CCSER1: variants seen among roughly 807,000 people sequenced by gnomAD.
CCSER1 encodes coiled-coil serine rich protein 1, also known as serine-rich coiled-coil domain-containing protein 1.
CCSER1 carries 41 observed loss-of-function variants against 82.0 expected under a neutral mutation model. The observed-to-expected ratio is 0.50, with a 90% CI of 0.39 to 0.65. The LOEUF is 0.65. Ranked by LOEUF, CCSER1 falls within the 30% of genes least tolerant of loss-of-function variation. CCSER1 has a pLI of 0.00. For missense variants in CCSER1, 1,119 were observed against 1,064.2 expected (o/e 1.05, Z -0.72); for synonymous variants, 414 against 383.9 (o/e 1.08, Z -0.92).
At chr4:91,437,742 C>T (rs946474624) in intron 10 of CCSER1, among the ~76,000 whole-genome samples, 1 of 152,210 alleles carries the variant, frequency 6.6e-6, no homozygotes, top group Non-Finnish European at 1.5e-5. Flanking sequence ...AAAGGGGTGA[C>T]AGATGGCACC....
At chr4:90,807,933 T>C (rs1005480356) in intron 7 of CCSER1, among the ~76,000 whole-genome samples, 2 of 152,108 alleles carry the variant, frequency 1.3e-5, no homozygotes, top group Admixed American at 6.5e-5. Flanking sequence ...AGAGTGCTAA[T>C]AGCCAAAGTA....
intron 9 of CCSER1, among the ~76,000 whole-genome samples, chr4:91,070,365 G>A (rs932446477): frequency 6.6e-6 from 1 of 152,060 alleles, no homozygotes; most frequent in African/African-American, 2.4e-5. Flanking sequence ...TATTTTAGTT[G>A]AACTCAGTTT....
intron 10 of CCSER1, among the ~76,000 whole-genome samples, chr4:91,507,171 T>A (rs1759541508): frequency 6.6e-6 from 1 of 152,176 alleles, no homozygotes; most frequent in Non-Finnish European, 1.5e-5. Flanking sequence ...GATCACATGG[T>A]AACTTTATAT....
chr4:90,606,936 A>C (rs1219104750), intron 5 of CCSER1, among the ~76,000 whole-genome samples: 1 of 152,196 alleles, frequency 6.6e-6, no homozygotes, highest in Non-Finnish European at 1.5e-5. Context: ...AAAACATAAC[A>C]TTACAGATAC....
At chr4:90,263,231 G>A (rs1228702886) in intron 1 of CCSER1, among the ~76,000 whole-genome samples, 1 of 152,192 alleles carries the variant, frequency 6.6e-6, no homozygotes, top group Non-Finnish European at 1.5e-5. Flanking sequence ...TCCCCTAGTA[G>A]TAGGAGTTCC....
chr4:90,394,099 T>C (rs932784425), intron 3 of CCSER1, among the ~76,000 whole-genome samples: 1 of 150,826 alleles, frequency 6.6e-6, no homozygotes, highest in Non-Finnish European at 1.5e-5. Flanking sequence ...CATCTTACTT[T>C]TTTTTTTTTT....
chr4:90,947,410 C>T (rs1213424409), intron 9 of CCSER1, among the ~76,000 whole-genome samples: 1 of 152,102 alleles, frequency 6.6e-6, no homozygotes, highest in Non-Finnish European at 1.5e-5. Context: ...ATCACATGTA[C>T]ATAAAGCTAT....
At chr4:91,141,437 C>A (rs561869992) in intron 10 of CCSER1, among the ~76,000 whole-genome samples, 5 of 152,192 alleles carry the variant, frequency 3.3e-5, no homozygotes, top group African/African-American at 1.2e-4. Flanking sequence ...TAGGCATGAA[C>A]CACCATGCCT....
At chr4:91,466,247 A>C (rs1332194681) in intron 10 of CCSER1, among the ~76,000 whole-genome samples, 1 of 152,222 alleles carries the variant, frequency 6.6e-6, no homozygotes, top group South Asian at 2.1e-4. Flanking sequence ...AACCAAAGAC[A>C]AAAACCACAT....
At chr4:91,559,079 T>C (rs902479753) in intron 10 of CCSER1, among the ~76,000 whole-genome samples, 1 of 151,556 alleles carries the variant, frequency 6.6e-6, no homozygotes, top group African/African-American at 2.4e-5. Flanking sequence ...ACCTTACATA[T>C]GTCTAGTTAA....
chr4:90,257,424 A>G (rs1291001363), intron 1 of CCSER1, among the ~76,000 whole-genome samples: 1 of 152,118 alleles, frequency 6.6e-6, no homozygotes, highest in Non-Finnish European at 1.5e-5. Context: ...TAAAAGTCAA[A>G]TGAGCAAAGC....
intron 1 of CCSER1, among the ~76,000 whole-genome samples, chr4:90,229,138 C>T (rs533845571): frequency 7.9e-5 from 12 of 152,112 alleles, no homozygotes; most frequent in East Asian, 5.8e-4. Flanking sequence ...AGCTACTCCT[C>T]GAGAAGAGCA....
At chr4:91,377,386 T>C (rs1192019611) in intron 10 of CCSER1, among the ~76,000 whole-genome samples, 1 of 152,192 alleles carries the variant, frequency 6.6e-6, no homozygotes, top group African/African-American at 2.4e-5. Flanking sequence ...AGTGTTCCTA[T>C]TTCTCTACAT....
chr4:91,306,733 A>G (rs1186327281), intron 10 of CCSER1, among the ~76,000 whole-genome samples: 1 of 152,044 alleles, frequency 6.6e-6, no homozygotes, highest in Non-Finnish European at 1.5e-5. Context: ...TTAATGTTCC[A>G]CTGTTCTCAC....
At chr4:90,925,249 T>G (rs1049577694) in intron 9 of CCSER1, among the ~76,000 whole-genome samples, 8 of 152,150 alleles carry the variant, frequency 5.3e-5, no homozygotes, top group Non-Finnish European at 8.8e-5. Context: ...AGCCCCCAAA[T>G]TTTTAAATAA....
At chr4:90,815,038 G>T (rs898172807) in intron 7 of CCSER1, among the ~76,000 whole-genome samples, 1 of 152,068 alleles carries the variant, frequency 6.6e-6, no homozygotes, top group African/African-American at 2.4e-5. Context: ...AATGATCTAA[G>T]ACTGGGTATT....
At chr4:90,186,648 T>G (rs903072685) in intron 1 of CCSER1, among the ~76,000 whole-genome samples, 1 of 151,874 alleles carries the variant, frequency 6.6e-6, no homozygotes, top group African/African-American at 2.4e-5. Context: ...CTTGAGGCCT[T>G]AATAGAAATG....
At chr4:91,416,328 C>A (rs932548339) in intron 10 of CCSER1, among the ~76,000 whole-genome samples, 2 of 151,934 alleles carry the variant, frequency 1.3e-5, no homozygotes, top group African/African-American at 4.8e-5. Context: ...CATTGACATT[C>A]TTCACAGAAT....
intron 9 of CCSER1, among the ~76,000 whole-genome samples, chr4:90,929,075 T>C (rs1413763990): frequency 1.3e-5 from 2 of 152,070 alleles, no homozygotes; most frequent in African/African-American, 2.4e-5. Context: ...CCCTACCCTC[T>C]TTTTTCCCTG....
Sources: allele counts gnomAD v4.1 joint callset (sites outside exome capture counted in the v4.1 genomes callset), GRCh38; gene constraint gnomAD v4.1.1; transcripts MANE v1.5; gene names NCBI Gene and HGNC (gene_info 2026-07-23, HGNC 2026-07-21).